The following EXTL3 variants were observed in gnomAD, a reference collection of about 807,000 sequenced individuals.
EXTL3 encodes exostosin-like 3.
Under a neutral mutation model 69.3 loss-of-function variants are expected in EXTL3, and 27 were observed. The ratio of observed to expected loss-of-function variants is 0.39; its 90% CI spans 0.29 to 0.54. The LOEUF is 0.54. Among genes scored for constraint, EXTL3 ranks in the 20% least tolerant of loss-of-function variants. The probability of loss-of-function intolerance (pLI) is 0.69; values close to 1 mark genes in which losing one functional copy is unlikely to be tolerated. For synonymous variants in EXTL3, 511 were observed against 499.4 expected (o/e 1.02, Z -0.31); for missense variants, 1,003 against 1,231.8 (o/e 0.81, Z 2.78).
At position 28,753,933 on chromosome 8, in the gene EXTL3, A is replaced by G. The variant is rs1468863445; in HGVS notation, c.*3067A>G. 2 of 152,236 alleles carry G rather than the reference A, an allele frequency of 1.3e-5. No homozygotes were observed. The highest frequency in any genetic ancestry group is 3.9e-4 in the East Asian group (2 of 5,188). 9.4% of individuals were successfully genotyped at this position (152,236 alleles called of 1,614,324 possible). A position where few individuals can be genotyped will look rare whatever the true frequency, so the allele number is the denominator to read the frequency against. ...CGGTTCCAGGGCAAGTCATTTTGAC[A>G]AAACAGGAACTTAGGGGCTGTTGAG... On this transcript the variant is annotated 3_prime_UTR_variant, in exon 7 of 7. Transcript: ENST00000220562.
intron 1 of EXTL3, among the ~76,000 whole-genome samples, chr8:28,694,933 A>G (rs987620478): frequency 2.0e-5 from 3 of 151,892 alleles, no homozygotes; most frequent in Non-Finnish European, 4.4e-5. Context: ...AATTTCTTGA[A>G]CCCAGGAGGC....
intron 1 of EXTL3, among the ~76,000 whole-genome samples, chr8:28,668,538 T>A (rs991562231): frequency 3.3e-5 from 5 of 152,042 alleles, no homozygotes; most frequent in Admixed American, 1.3e-4. Context: ...GGTTTCCCCA[T>A]GTTGGCCAGG....
chr8:28,686,657 T>C (rs1040919802), intron 1 of EXTL3, among the ~76,000 whole-genome samples: 2 of 152,188 alleles, frequency 1.3e-5, no homozygotes, highest in Non-Finnish European at 2.9e-5. Flanking sequence ...AAGCCAGCGA[T>C]GATAGTACCA....
At chr8:28,649,521 T>C (rs1034624089) in intron 1 of EXTL3, among the ~76,000 whole-genome samples, 4 of 152,208 alleles carry the variant, frequency 2.6e-5, no homozygotes, top group African/African-American at 9.6e-5. Flanking sequence ...ACCTCCTCCT[T>C]GTTGAATGAT....
At chr8:28,691,592 T>C (rs1428066226) in intron 1 of EXTL3, among the ~76,000 whole-genome samples, 2 of 151,384 alleles carry the variant, frequency 1.3e-5, no homozygotes, top group Non-Finnish European at 2.9e-5. Context: ...TTTGCTATTG[T>C]GTTCCTACTA....
In EXTL3 at chr8:28,623,372, C is replaced by A. The variant is rs1445191265; in HGVS notation, c.-53+562C>A. ...CCCAAAGCCAGCCGTACCTGCGAGC[C>A]CCTCAGCACAGCTGACTTTAATTTG... is the stretch of plus-strand genomic sequence containing the variant. On this transcript the variant is annotated intron_variant, in intron 1 of 6. Coordinates refer to the EXTL3 transcript ENST00000523149. This position sits in a 1 kb window ranked among gnomAD's most constrained non-coding sequence, Gnocchi z 4.2. Among the ~76,000 whole-genome samples the A allele has an allele frequency of 1.3e-5, 2 of 152,212 alleles. No individual in the cohort carries two copies. The highest frequency in any genetic ancestry group is 2.9e-5 in the Non-Finnish European group (2 of 68,034).
At chr8:28,656,023 C>A (rs1807004726) in intron 1 of EXTL3, among the ~76,000 whole-genome samples, 1 of 152,076 alleles carries the variant, frequency 6.6e-6, no homozygotes, top group Non-Finnish European at 1.5e-5. Context: ...AGTCCAGATG[C>A]AGGATCATTG....
rs938960929 is a variant in EXTL3, at chr8:28,623,264, G to A, written c.-53+454G>A. On this transcript the variant is annotated intron_variant, in intron 1 of 6. Coordinates refer to the EXTL3 transcript ENST00000523149. This position sits in a 1 kb window ranked among gnomAD's most constrained non-coding sequence, Gnocchi z 4.2. ...CGCGCTGTCAGGAGGCGCTGTCCCC[G>A]TGGGTAAGCCCGTGCCGTGGGTGCC... Among the ~76,000 whole-genome samples the A allele has an allele frequency of 1.3e-5, 2 of 152,186 alleles. No individual in the cohort carries two copies. The highest frequency in any genetic ancestry group is 2.4e-5 in the African/African-American group (1 of 41,458).
upstream of EXTL3, among the ~76,000 whole-genome samples, chr8:28,622,430 A>T (rs1806426187): frequency 6.6e-6 from 1 of 152,194 alleles, no homozygotes; most frequent in Middle Eastern, 3.2e-3. Context: ...GCGGCGTCCC[A>T]CAATGCACCG....
rs182191561 is a variant in EXTL3, at chr8:28,624,362, A to G, written c.-53+1552A>G. The stretch of plus-strand genomic sequence containing the variant: ...GAGGATTGCTTGAGCTCAAGAGTTC[A>G]AGACCATGCTGGGCAACATGGCGAA... On this transcript the variant is annotated intron_variant, in intron 1 of 6. Transcript: ENST00000523149. Among the ~76,000 whole-genome samples the G allele has an allele frequency of 3.9e-5, 6 of 152,238 alleles. No individual in the cohort carries two copies. The East Asian group carries it at 9.6e-4, about 24-fold the overall frequency.
At chr8:28,644,226 A>T (rs528729102) in intron 1 of EXTL3, among the ~76,000 whole-genome samples, 1 of 152,134 alleles carries the variant, frequency 6.6e-6, no homozygotes, top group East Asian at 1.9e-4. Flanking sequence ...TCATTTATTT[A>T]GGGTAGTACT....
At chr8:28,692,629 T>C (rs943245394) in intron 1 of EXTL3, among the ~76,000 whole-genome samples, 6 of 152,208 alleles carry the variant, frequency 3.9e-5, no homozygotes, top group Non-Finnish European at 7.3e-5. Context: ...GAAATTGCAC[T>C]TTCAGTTTTG....
intron 1 of EXTL3, among the ~76,000 whole-genome samples, chr8:28,688,285 G>A (rs532293528): frequency 2.5e-4 from 38 of 152,068 alleles, no homozygotes; most frequent in Admixed American, 2.2e-3. Flanking sequence ...GGCTGGTCTC[G>A]AACTCCTGAC....
chr8:28,729,467 G>A (rs537326344), intron 3 of EXTL3, among the ~76,000 whole-genome samples: 1 of 145,210 alleles, frequency 6.9e-6, no homozygotes, highest in Non-Finnish European at 1.5e-5. Context: ...GTGGTGGTAG[G>A]CGCCTGTAAT....
intron 1 of EXTL3, among the ~76,000 whole-genome samples, chr8:28,680,507 T>C (rs958570354): frequency 6.6e-6 from 1 of 152,230 alleles, no homozygotes; most frequent in African/African-American, 2.4e-5. Flanking sequence ...TGATGTTTTA[T>C]GTACACATTG....
chr8:28,610,526 AG>A (rs1806257705), intron 2 of EXTL3, among the ~76,000 whole-genome samples: 1 of 152,268 alleles, frequency 6.6e-6, no homozygotes, highest in Non-Finnish European at 1.5e-5. Context: ...CCAGGCACTG[AG>A]GACCGGCTCT....
intron 1 of EXTL3, among the ~76,000 whole-genome samples, chr8:28,634,751 C>T (rs1235656612): frequency 2.0e-5 from 3 of 152,066 alleles, no homozygotes; most frequent in African/African-American, 7.2e-5. Flanking sequence ...TGCACCACCA[C>T]ACCCAGCTAA....
At chr8:28,679,402 T>C (rs1309573262) in intron 1 of EXTL3, among the ~76,000 whole-genome samples, 1 of 152,064 alleles carries the variant, frequency 6.6e-6, no homozygotes, top group Non-Finnish European at 1.5e-5. Context: ...ACCAAGATCG[T>C]GCCACTACAC....
At chr8:28,734,233 T>G (rs1211792155) in intron 4 of EXTL3, among the ~76,000 whole-genome samples, 1 of 152,256 alleles carries the variant, frequency 6.6e-6, no homozygotes, top group Non-Finnish European at 1.5e-5. Context: ...ATTTTCTTGC[T>G]TTCTTGATGG....
Sources: gnomAD v4.1 joint callset for allele counts (sites outside exome capture counted in the v4.1 genomes callset) on GRCh38, gnomAD v4.1.1 for gene constraint, Gnocchi (gnomAD v3.1) non-coding constraint, MANE v1.5 for transcripts, NCBI Gene and HGNC (gene_info 2026-07-23, HGNC 2026-07-21) for gene names.